Variants in MACROD2 observed in about 807,000 individuals in gnomAD.
MACROD2 encodes the protein mono-ADP ribosylhydrolase 2.
In MACROD2, 36 loss-of-function variants were observed where a neutral mutation model predicts 70.4. The ratio of observed to expected loss-of-function variants is 0.51; its 90% CI spans 0.39 to 0.68. The LOEUF (loss-of-function observed/expected upper bound fraction) is 0.68, where lower values mean the gene tolerates loss of function less well. MACROD2 is among the 30% of genes least tolerant of loss of function. The pLI, the probability that MACROD2 is intolerant of heterozygous loss-of-function variation, is 0.00. For missense variants in MACROD2, 496 were observed against 538.4 expected, an observed-to-expected ratio of 0.92 and a Z score of 0.78; for synonymous variants, 172 against 178.8, an observed-to-expected ratio of 0.96 and a Z score of 0.30.
chr20:14,722,763 T>G (rs1308752342), intron 5 of MACROD2, among the ~76,000 whole-genome samples: 1 of 152,162 alleles, frequency 6.6e-6, no homozygotes, highest in Non-Finnish European at 1.5e-5. Flanking sequence ...CTAATAAAAT[T>G]CTTTAAACAA....
intron 3 of MACROD2, among the ~76,000 whole-genome samples, chr20:14,172,078 CATT>C (rs1486966471): frequency 2.6e-5 from 4 of 152,074 alleles, no homozygotes; most frequent in African/African-American, 9.7e-5. Context: ...GTTCTTTTAT[CATT>C]ATATAATTTT....
rs1946634585 is a variant in MACROD2, at chr20:14,684,852, G to A, written c.311G>A (p.Cys104Tyr). The A allele has an allele frequency of 1.2e-6, 2 of 1,613,694 alleles. No homozygotes were observed. The highest frequency in any genetic ancestry group is 2.7e-5 in the African/African-American group (2 of 75,022). The change falls in exon 5 of 18, where the codon TGT (cysteine) becomes TAT (tyrosine). Residue 104 changes from cysteine (C) to tyrosine (Y), a missense_variant. Physicochemically the swap from Cys to Tyr is radical, Grantham distance 194. Coordinates refer to ENST00000684519, the MANE Select transcript of MACROD2 (RefSeq NM_001351661.2). ...CTTCTTTCTCCCTTAGTGGATGGCTGTATTCATAGAGCAGCCGGCCCCTGT... is the reference window on the plus strand; with the variant it reads ...CTTCTTTCTCCCTTAGTGGATGGCTATATTCATAGAGCAGCCGGCCCCTGT... ...SLLGGGGVDGCIHRAAGPCLL... is the reference protein window; with the variant it reads ...SLLGGGGVDGYIHRAAGPCLL...
At chr20:14,748,799 A>C (rs761973950) in intron 5 of MACROD2, among the ~76,000 whole-genome samples, 1 of 152,052 alleles carries the variant, frequency 6.6e-6, no homozygotes, top group African/African-American at 2.4e-5. Flanking sequence ...AGCAGACTAC[A>C]GTTCTTAGGT....
chr20:15,823,564 A>G (rs1174793191), intron 8 of MACROD2, among the ~76,000 whole-genome samples: 1 of 152,158 alleles, frequency 6.6e-6, no homozygotes, highest in Non-Finnish European at 1.5e-5. Context: ...TGAAAGCAGG[A>G]AAAAAAGAGA....
rs2076946189 is a variant in MACROD2, at chr20:15,230,035, G to A, written c.514G>A (p.Val172Met). 6 of 1,613,206 alleles carry A rather than the reference G, an allele frequency of 3.7e-6. No homozygotes were observed. In the African/African-American group the frequency reaches 4.0e-5, roughly 11 times the overall value. Residue 172 changes from valine (V) to methionine (M), a missense_variant, in exon 6 of 18, where the codon GTG becomes ATG. By Grantham distance (21) the Val-to-Met change is conservative. Transcript: ENST00000684519. ...ANCYKSSLKLVKENNIRSVAF... is the reference protein window; with the variant it reads ...ANCYKSSLKLMKENNIRSVAF... ...TTGCTATAAATCATCTCTGAAGCTC[G>A]TGAAAGAAAATAACATCCGATCAGT...
chr20:14,473,274 C>T (rs1277825936), intron 3 of MACROD2, among the ~76,000 whole-genome samples: 1 of 152,196 alleles, frequency 6.6e-6, no homozygotes, highest in Admixed American at 6.5e-5. Context: ...TAACTTTATA[C>T]TGGCTGACCA....
At chr20:14,444,643 T>G (rs1024676392) in intron 3 of MACROD2, among the ~76,000 whole-genome samples, 7 of 152,058 alleles carry the variant, frequency 4.6e-5, no homozygotes, top group Non-Finnish European at 8.8e-5. Flanking sequence ...CCTTTCAATT[T>G]CAGACCCATA....
At chr20:15,366,794 C>A (rs1009281867) in intron 6 of MACROD2, among the ~76,000 whole-genome samples, 1 of 151,012 alleles carries the variant, frequency 6.6e-6, no homozygotes, top group Admixed American at 6.6e-5. Context: ...CTCCTGGGTT[C>A]AAACAATCCT....
intron 5 of MACROD2, among the ~76,000 whole-genome samples, chr20:15,137,984 A>AT (rs1253996426): frequency 6.6e-6 from 1 of 152,120 alleles, no homozygotes; most frequent in Non-Finnish European, 1.5e-5. Flanking sequence ...AGCAGTAGTT[A>AT]TTTTTAGTTT....
intron 6 of MACROD2, among the ~76,000 whole-genome samples, chr20:15,343,327 A>G (rs1007380672): frequency 6.6e-6 from 1 of 152,210 alleles, no homozygotes; most frequent in African/African-American, 2.4e-5. Context: ...AGCATTTTTC[A>G]AAGATGGTGT....
intron 3 of MACROD2, among the ~76,000 whole-genome samples, chr20:14,159,773 G>A (rs1472815531): frequency 6.6e-6 from 1 of 152,108 alleles, no homozygotes; most frequent in Non-Finnish European, 1.5e-5. Context: ...AAATGGGAGT[G>A]GTGAAGTGGA....
At chr20:15,920,340 C>A (rs368873741) in intron 10 of MACROD2, among the ~76,000 whole-genome samples, 3 of 152,094 alleles carry the variant, frequency 2.0e-5, no homozygotes, top group African/African-American at 7.2e-5. Flanking sequence ...CTGTCTCAGA[C>A]CATCAGTCAA....
At chr20:15,948,549 T>C (rs375630899) in intron 12 of MACROD2, among the ~76,000 whole-genome samples, 3 of 151,292 alleles carry the variant, frequency 2.0e-5, no homozygotes, top group African/African-American at 7.4e-5. Flanking sequence ...CAGAAGTAAA[T>C]TTTCCCAAAA....
intron 7 of MACROD2, among the ~76,000 whole-genome samples, chr20:15,482,101 C>A (rs566132405): frequency 6.6e-6 from 1 of 152,300 alleles, no homozygotes; most frequent in African/African-American, 2.4e-5. Flanking sequence ...ATTCCACTGT[C>A]CTCTTCTCTG....
intron 2 of MACROD2, among the ~76,000 whole-genome samples, chr20:14,030,902 T>G (rs2053239148): frequency 6.6e-6 from 1 of 152,178 alleles, no homozygotes; most frequent in South Asian, 2.1e-4. Context: ...GCAAATTAAA[T>G]AGATGAAAGA....
intron 7 of MACROD2, among the ~76,000 whole-genome samples, chr20:15,447,013 T>G (rs2046574699): frequency 6.6e-6 from 1 of 151,838 alleles, no homozygotes; most frequent in Non-Finnish European, 1.5e-5. Context: ...CCTCTGCACA[T>G]GTTAAAGGCA....
rs1318166778 is a variant in MACROD2, at chr20:15,512,365, G to A, written c.645+12518G>A. Among the ~76,000 whole-genome samples the A allele has an allele frequency of 2.0e-5, 3 of 152,238 alleles. No individual in the cohort carries two copies. The East Asian group carries it at 5.8e-4, about 29-fold the overall frequency. ...GATTTTAGTATATTCCCAATATCCT[G>A]TTGATAGTAATCATTGTCTCTGGAT... On this transcript the variant is annotated intron_variant, in intron 8 of 17. Coordinates refer to ENST00000684519, the MANE Select transcript of MACROD2 (RefSeq NM_001351661.2).
At chr20:14,057,129 TA>T (rs2148653008) in intron 2 of MACROD2, among the ~76,000 whole-genome samples, 1 of 152,234 alleles carries the variant, frequency 6.6e-6, no homozygotes, top group South Asian at 2.1e-4. Context: ...ATGTGAAAAG[TA>T]AAATAAGCCC....
intron 3 of MACROD2, among the ~76,000 whole-genome samples, chr20:14,487,434 C>T (rs899935793): frequency 6.6e-6 from 1 of 152,174 alleles, no homozygotes; most frequent in Non-Finnish European, 1.5e-5. Context: ...GGAACTTTCT[C>T]AAGGTCAATG....
Sources: allele counts gnomAD v4.1 joint callset (sites outside exome capture counted in the v4.1 genomes callset), GRCh38; gene constraint gnomAD v4.1.1; transcripts MANE v1.5; gene names NCBI Gene and HGNC (gene_info 2026-07-23, HGNC 2026-07-21).